ATP8B4: variants seen among roughly 807,000 people sequenced by gnomAD.
ATP8B4 encodes ATPase phospholipid transporting 8B4 (putative).
ATP8B4 carries 133 observed loss-of-function variants against 145.6 expected under a neutral mutation model. The ratio of observed to expected loss-of-function variants is 0.91; its 90% confidence interval spans 0.79 to 1.05. ATP8B4 has a LOEUF of 1.05. Ranked by LOEUF, ATP8B4 falls within the 50% of genes least tolerant of loss-of-function variation. ATP8B4 has a pLI of 0.00. For synonymous variants in ATP8B4, 507 were observed against 492.9 expected, an observed-to-expected ratio of 1.03 and a Z score of -0.38; for missense variants, 1,458 against 1,425.2, an observed-to-expected ratio of 1.02 and a Z score of -0.37.
chr15:50,171,330 A>T (rs74797875), intron 1 of ATP8B4, among the ~76,000 whole-genome samples: 14,017 of 152,222 alleles, frequency 0.092, 817 homozygotes, highest in Middle Eastern at 0.15. Flanking sequence ...CAATAAATTT[A>T]AAAAAATTGA....
intron 6 of ATP8B4, among the ~76,000 whole-genome samples, chr15:50,038,516 G>A (rs938336654): frequency 2.0e-5 from 3 of 152,158 alleles, no homozygotes; most frequent in Non-Finnish European, 4.4e-5. Context: ...GAAATGGAAA[G>A]TGACAAAGAT....
intron 1 of ATP8B4, among the ~76,000 whole-genome samples, chr15:50,172,944 C>A (rs1426849524): frequency 1.3e-5 from 2 of 149,936 alleles, no homozygotes; most frequent in African/African-American, 4.9e-5. Flanking sequence ...CGTCTCCGCC[C>A]GGCAGCCGCC....
chr15:49,998,023 C>T (rs1197723536), intron 8 of ATP8B4, among the ~76,000 whole-genome samples: 2 of 151,994 alleles, frequency 1.3e-5, no homozygotes, highest in African/African-American at 2.4e-5. Context: ...ATTTAAACAA[C>T]TGTTCAAATA....
intron 22 of ATP8B4, among the ~76,000 whole-genome samples, chr15:49,897,757 G>T (rs2037567828): frequency 6.6e-6 from 1 of 152,194 alleles, no homozygotes. Flanking sequence ...CAAAGATGGG[G>T]TTAAAGTCAC....
Position 50,156,166 on chromosome 15 carries a change from G to GA in ATP8B4, c.-43+26094_-43+26095insT, listed in dbSNP as rs2044416939. Among the ~76,000 whole-genome samples, 5 of 120,872 alleles carry GA rather than the reference G, an allele frequency of 4.1e-5. 1 individual carries two copies. The highest frequency in any genetic ancestry group is 2.8e-5 in the African/African-American group (1 of 35,136). The allele number at this position is 120,872 out of a possible 152,430, so 79.3% of individuals were successfully genotyped here. ...TATATATATATATATTTGTTTGCTG[G>GA]TTTAACTAGTCAATGCAGATGGCAA... is the stretch of plus-strand genomic sequence containing the variant. On this transcript the variant is annotated intron_variant, in intron 1 of 3. Coordinates refer to the ATP8B4 transcript ENST00000558829.
intron 2 of ATP8B4, among the ~76,000 whole-genome samples, chr15:50,099,669 C>T (rs2056222013): frequency 6.6e-6 from 1 of 152,154 alleles, no homozygotes; most frequent in South Asian, 2.1e-4. Context: ...AGAAAATAGA[C>T]TGTAATCATA....
chr15:50,175,110 T>G (rs1335485565), intron 1 of ATP8B4, among the ~76,000 whole-genome samples: 2 of 152,348 alleles, frequency 1.3e-5, no homozygotes, highest in East Asian at 1.9e-4. Flanking sequence ...AGAATGAAAC[T>G]GGATCCTCAT....
chr15:50,089,231 G>C (rs1010337711), intron 2 of ATP8B4, among the ~76,000 whole-genome samples: 2 of 152,136 alleles, frequency 1.3e-5, no homozygotes, highest in Non-Finnish European at 2.9e-5. Flanking sequence ...AAGATTTCAT[G>C]ACAAAAATAT....
intron 20 of ATP8B4, among the ~76,000 whole-genome samples, chr15:49,912,877 T>A (rs2039372365): frequency 6.6e-6 from 1 of 151,896 alleles, no homozygotes; most frequent in Admixed American, 6.6e-5. Flanking sequence ...GCTCAAATGA[T>A]CCTCCTGTGG....
chr15:49,984,419 A>G (rs1410601576), intron 10 of ATP8B4, among the ~76,000 whole-genome samples: 1 of 152,182 alleles, frequency 6.6e-6, no homozygotes, highest in African/African-American at 2.4e-5. Context: ...CATAGGTGGG[A>G]TTATAGGGGA....
intron 14 of ATP8B4, among the ~76,000 whole-genome samples, chr15:49,942,921 TC>T (rs1181855901): frequency 6.6e-6 from 1 of 151,996 alleles, no homozygotes; most frequent in Non-Finnish European, 1.5e-5. Context: ...GGCAAATAAT[TC>T]AAAATAGCTG....
chr15:50,102,115 G>A (rs796906950), intron 2 of ATP8B4, among the ~76,000 whole-genome samples: 1 of 152,058 alleles, frequency 6.6e-6, no homozygotes, highest in Non-Finnish European at 1.5e-5. Flanking sequence ...AAACTTCATA[G>A]CATTAAATGC....
At chr15:49,946,774 G>A (rs182681433) in intron 14 of ATP8B4, among the ~76,000 whole-genome samples, 2 of 152,182 alleles carry the variant, frequency 1.3e-5, no homozygotes, top group Admixed American at 1.3e-4. Flanking sequence ...TCTTCCATCT[G>A]AAGAAGCAGG....
chr15:49,965,740 A>G (rs1241148810), intron 13 of ATP8B4, among the ~76,000 whole-genome samples: 1 of 152,168 alleles, frequency 6.6e-6, no homozygotes, highest in Non-Finnish European at 1.5e-5. Context: ...CCTTACTGAC[A>G]TAACTCAGGC....
chr15:50,109,561 G>C (rs576349366), intron 1 of ATP8B4, among the ~76,000 whole-genome samples: 1 of 151,898 alleles, frequency 6.6e-6, no homozygotes, highest in South Asian at 2.1e-4. Flanking sequence ...TTCTCCAGTG[G>C]GACTAAGTCA....
intron 2 of ATP8B4, among the ~76,000 whole-genome samples, chr15:50,106,174 G>A (rs2056670332): frequency 6.6e-6 from 1 of 152,140 alleles, no homozygotes. Context: ...GAAGGACAGG[G>A]CACTATGTAA....
rs372551840 is a variant in ATP8B4, at chr15:49,863,198, A to G, written c.3167-823T>C. On this transcript the variant is annotated intron_variant, in intron 26 of 27. Transcript: ENST00000284509. ...CCTCAGAGGAACTTGTTATTTCTCT[A>G]TTGTTCACTTGGTTATGAAGTCCTC... Among the ~76,000 whole-genome samples, 27 of 152,274 alleles carry G rather than the reference A, an allele frequency of 1.8e-4. No individual in the cohort carries two copies. In the Middle Eastern group the frequency reaches 0.01, roughly 58 times the overall value.
intron 14 of ATP8B4, among the ~76,000 whole-genome samples, chr15:49,960,967 C>T (rs972768121): frequency 1.4e-4 from 22 of 152,128 alleles, no homozygotes; most frequent in Admixed American, 5.9e-4. Context: ...CTGGTCTCTA[C>T]TAAAAAATAC....
chr15:49,934,020 C>T lies in ATP8B4; in HGVS notation c.1450G>A (p.Ala484Thr), dbSNP rs528390895. The change falls in exon 15 of 28, where the codon GCA becomes ACA. Residue 484 changes from alanine to threonine, a missense_variant. Coordinates refer to ENST00000284509, the MANE Select transcript of ATP8B4 (RefSeq NM_024837.4). ...CHTVMSEENSAGELIYQVQSP... is the reference protein window; with the variant it reads ...CHTVMSEENSTGELIYQVQSP... ...TCAGACATAACTTTTCACTTACCTG[C>T]GCTATTCTCTTCTGACATTACAGTG... 8 of 1,598,908 alleles carry T rather than the reference C, an allele frequency of 5.0e-6. No homozygotes were observed. In the South Asian group the frequency reaches 5.7e-5, roughly 11 times the overall value.
Sources: allele counts gnomAD v4.1 joint callset (sites outside exome capture counted in the v4.1 genomes callset), GRCh38; gene constraint gnomAD v4.1.1; transcripts MANE v1.5; gene names NCBI Gene and HGNC (gene_info 2026-07-23, HGNC 2026-07-21).